PAFAH2: variants seen among roughly 807,000 people sequenced by gnomAD.
PAFAH2 encodes platelet-activating factor acetylhydrolase 2, cytoplasmic.
Under a neutral mutation model 49.0 loss-of-function variants are expected in PAFAH2, and 42 were observed. That is an observed-to-expected ratio of 0.86 (90% CI 0.67 to 1.11). The LOEUF (loss-of-function observed/expected upper bound fraction) is 1.11, where lower values mean the gene tolerates loss of function less well. Ranked by LOEUF, PAFAH2 falls within the 50% of genes least tolerant of loss-of-function variation. PAFAH2 has a pLI of 0.00. For missense variants in PAFAH2, 503 were observed against 501.8 expected (o/e 1.00, Z -0.02); for synonymous variants, 184 against 181.3 (o/e 1.01, Z -0.12).
At chr1:25,985,758 C>G (rs1181652717) in intron 4 of PAFAH2, among the ~76,000 whole-genome samples, 1 of 152,256 alleles carries the variant, frequency 6.6e-6, no homozygotes, top group Admixed American at 6.5e-5. Context: ...ACTTGCCTTT[C>G]TAACTTCATC....
chr1:25,970,265 G>A (rs1557514725), intron 10 of PAFAH2, among the ~76,000 whole-genome samples: 1 of 152,102 alleles, frequency 6.6e-6, no homozygotes, highest in African/African-American at 2.4e-5. Flanking sequence ...TTAGGAGTTC[G>A]AGACCAGCCA....
chr1:25,978,985 C>T (rs1572352256), intron 7 of PAFAH2, among the ~76,000 whole-genome samples: 1 of 152,254 alleles, frequency 6.6e-6, no homozygotes, highest in Non-Finnish European at 1.5e-5. Context: ...ATGAATAACA[C>T]TGTCCATCTA....
At position 25,973,058 on chromosome 1, in the gene PAFAH2, C is replaced by T. The variant is rs1019492980; in HGVS notation, c.930-346G>A. On this transcript the variant is annotated intron_variant, in intron 9 of 10. Transcript: ENST00000374282. Reference sequence around the variant, plus strand: ...AGGAGGTGGGATCTGTGGCACGTGGCATTTCTATGTTACTACAATCTATTA... The same window carrying T: ...AGGAGGTGGGATCTGTGGCACGTGGTATTTCTATGTTACTACAATCTATTA... 7.9e-5 allele frequency among the ~76,000 whole-genome samples: 12 copies of T among 152,164 alleles called. 1 individual carries two copies. Among genetic ancestry groups the T allele is most frequent in the Admixed American group, 6.5e-4 (10 of 15,280 alleles).
Position 25,989,545 on chromosome 1 carries a change from C to T in PAFAH2, c.147G>A (p.Gln49=), listed in dbSNP as rs2049843229. The T allele has an allele frequency of 6.2e-7, 1 of 1,612,612 alleles. No homozygotes were observed. The highest frequency in any genetic ancestry group is 8.5e-7 in the Non-Finnish European group (1 of 1,179,284). The change falls in exon 3 of 11, where the codon CAG becomes CAA. Residue 49 remains glutamine, a synonymous_variant. Transcript: ENST00000374282. ...ACTCATAGCGGGGAATCCACAGGGG[C>T]TGCTCCATGGTCTCCTCTGCCTTTT... The part of the protein sequence containing the change: ...PCQKAEETME[Q]PLWIPRYEYC...
chr1:25,995,300 C>T (rs1302418003), intron 1 of PAFAH2, among the ~76,000 whole-genome samples: 3 of 152,196 alleles, frequency 2.0e-5, no homozygotes, highest in Non-Finnish European at 1.5e-5. Context: ...TGGATTAACA[C>T]CTATTCTAGC....
At position 25,976,780 on chromosome 1, in the gene PAFAH2, A is replaced by G. The variant is rs1215648084; in HGVS notation, c.667-7T>C. 6.2e-7 allele frequency: 1 copy of G among 1,611,918 alleles called. No individual in the cohort carries two copies. Among genetic ancestry groups the G allele is most frequent in the Non-Finnish European group, 8.5e-7 (1 of 1,178,058 alleles). On this transcript the variant is annotated splice_polypyrimidine_tract_variant and splice_region_variant and intron_variant, in intron 7 of 10. Coordinates refer to ENST00000374282, the MANE Select transcript of PAFAH2 (RefSeq NM_000437.4). ...GGCTCATGTCAATGTTGCCCTGAGG[A>G]AAGTGGAGAACTTAGCCAAGTCAGA...
At chr1:25,996,513 G>T (rs1180572367) in intron 1 of PAFAH2, among the ~76,000 whole-genome samples, 3 of 152,106 alleles carry the variant, frequency 2.0e-5, no homozygotes, top group Non-Finnish European at 4.4e-5. Flanking sequence ...CTGGTGGCGG[G>T]CGCCTGTAGT....
At chr1:25,967,418 T>C (rs1184119386) in intron 10 of PAFAH2, among the ~76,000 whole-genome samples, 1 of 152,058 alleles carries the variant, frequency 6.6e-6, no homozygotes, top group African/African-American at 2.4e-5. Context: ...CGGAAAGCCA[T>C]TAGAAGAGGT....
chr1:25,990,945 T>C (rs1179748440), intron 1 of PAFAH2, 82 bp from the exon 2 acceptor site: 4 of 666,076 alleles, frequency 6.0e-6, no homozygotes, highest in South Asian at 1.9e-5. Flanking sequence ...TCTGTTACCC[T>C]GTCCACCCCT....
At chr1:25,991,245 A>G (rs78393876) in intron 1 of PAFAH2, among the ~76,000 whole-genome samples, 1,647 of 152,186 alleles carry the variant, frequency 0.011, 33 homozygotes, top group African/African-American at 0.038. Context: ...GACACTATAC[A>G]CATTGCATCA....
At chr1:25,973,819 C>T (rs1023037761) in intron 9 of PAFAH2, among the ~76,000 whole-genome samples, 11 of 152,190 alleles carry the variant, frequency 7.2e-5, no homozygotes, top group Non-Finnish European at 1.3e-4. Flanking sequence ...TCCTGTGTGC[C>T]GCTGGGCTCA....
At chr1:25,963,157 A>C (rs533924746) in intron 10 of PAFAH2, among the ~76,000 whole-genome samples, 1 of 152,116 alleles carries the variant, frequency 6.6e-6, no homozygotes. Flanking sequence ...GGCAGGGACC[A>C]CTCTCATGCA....
At position 25,960,592 on chromosome 1, in the gene PAFAH2, T is replaced by C. The variant is rs553408805; in HGVS notation, c.*1397A>G. On this transcript the variant is annotated 3_prime_UTR_variant, in exon 11 of 11. Coordinates refer to ENST00000374282, the MANE Select transcript of PAFAH2 (RefSeq NM_000437.4). ...AACAAGAGTATTAATATCATTCATA[T>C]TATAAACAGAACAGAATGGAAATTC... The C allele has an allele frequency of 7.2e-5, 11 of 152,732 alleles. No homozygotes were observed. In the East Asian group the frequency reaches 2.1e-3, roughly 29 times the overall value. The allele number at this position is 152,732 out of a possible 1,614,324, so 9.5% of individuals were successfully genotyped here.
At chr1:25,972,041 A>G (rs900051147) in intron 10 of PAFAH2, among the ~76,000 whole-genome samples, 3 of 152,186 alleles carry the variant, frequency 2.0e-5, no homozygotes, top group African/African-American at 7.2e-5. Flanking sequence ...GTCATTCTGC[A>G]AGTAAGATAG....
chr1:25,968,995 G>T (rs1277237134), intron 10 of PAFAH2, among the ~76,000 whole-genome samples: 5 of 152,162 alleles, frequency 3.3e-5, no homozygotes, highest in Non-Finnish European at 5.9e-5. Flanking sequence ...CAATGCACCA[G>T]ACTGTGAACA....
Position 25,988,310 on chromosome 1 carries a change from C to T in PAFAH2, c.262G>A (p.Val88Ile), listed in dbSNP as rs747485296. Residue 88 changes from valine (V) to isoleucine (I), a missense_variant, in exon 4 of 11, where the codon GTT becomes ATT. Physicochemically the swap from Val to Ile is conservative, Grantham distance 29. Transcript: ENST00000374282. ...NLAVGSCRLP[V>I]SWNGPFKTKD... Reference sequence around the variant, plus strand: ...GTCTTAAAGGGGCCATTCCAGCTAACAGGCAGGCGACAAGATCCTAGCAGA... The same window carrying T: ...GTCTTAAAGGGGCCATTCCAGCTAATAGGCAGGCGACAAGATCCTAGCAGA... 1 of 1,611,212 alleles carries T rather than the reference C, an allele frequency of 6.2e-7. No homozygotes were observed. Among genetic ancestry groups the T allele is most frequent in the South Asian group, 1.1e-5 (1 of 90,590 alleles).
chr1:25,984,392 A>C, intron 5 of PAFAH2, 68 bp downstream of exon 5: 2 of 1,166,606 alleles, frequency 1.7e-6, no homozygotes, highest in East Asian at 2.4e-5. Context: ...GAAATAGTAC[A>C]TTGATAGGGG....
intron 10 of PAFAH2, among the ~76,000 whole-genome samples, chr1:25,968,164 CTAAA>C (rs559299730): frequency 2.7e-5 from 4 of 150,854 alleles, no homozygotes; most frequent in Non-Finnish European, 5.9e-5. Flanking sequence ...AGACTCTGTC[CTAAA>C]TAAATAAATA....
chr1:25,996,516 C>T (rs1278929509), intron 1 of PAFAH2, among the ~76,000 whole-genome samples: 1 of 151,984 alleles, frequency 6.6e-6, no homozygotes, highest in African/African-American at 2.4e-5. Flanking sequence ...GTGGCGGGCG[C>T]CTGTAGTCCC....
Sources: gnomAD v4.1 joint callset for allele counts (sites outside exome capture counted in the v4.1 genomes callset) on GRCh38, gnomAD v4.1.1 for gene constraint, MANE v1.5 for transcripts, NCBI Gene and HGNC (gene_info 2026-07-23, HGNC 2026-07-21) for gene names.